The following WNT3A variants were observed in gnomAD, a reference collection of about 807,000 sequenced individuals.
The protein encoded by WNT3A is Wnt family member 3A.
Under a neutral mutation model 37.0 loss-of-function variants are expected in WNT3A, and 17 were observed. That is an observed-to-expected ratio of 0.46 (90% confidence interval 0.31 to 0.69). WNT3A has a LOEUF of 0.69. WNT3A is among the 30% of genes least tolerant of loss of function. The pLI, the probability that WNT3A is intolerant of heterozygous loss-of-function variation, is 0.05. For synonymous variants in WNT3A, 187 were observed against 211.0 expected, an observed-to-expected ratio of 0.89 and a Z score of 0.99; for missense variants, 411 against 510.2, an observed-to-expected ratio of 0.81 and a Z score of 1.87.
At chr1:228,030,717 C>T (rs937968861) in intron 2 of WNT3A, among the ~76,000 whole-genome samples, 1 of 152,232 alleles carries the variant, frequency 6.6e-6, no homozygotes. Context: ...GATGCCCCCT[C>T]CCTCCCACCT....
At chr1:228,023,904 C>T (rs946009978) in intron 2 of WNT3A, among the ~76,000 whole-genome samples, 7 of 152,248 alleles carry the variant, frequency 4.6e-5, no homozygotes, top group African/African-American at 1.4e-4. Flanking sequence ...GTTTAAGAAA[C>T]GGCATCACTC....
At chr1:228,019,101 G>T (rs1041896992) in intron 1 of WNT3A, among the ~76,000 whole-genome samples, 9 of 152,232 alleles carry the variant, frequency 5.9e-5, no homozygotes, top group Non-Finnish European at 1.2e-4. Context: ...GTGGGCCAGG[G>T]CCCACCCGGG....
rs79552647 is a variant in WNT3A at position 228,041,864 on chromosome 1, C to T, written c.314-8792C>T. Among the ~76,000 whole-genome samples the T allele has an allele frequency of 8.3e-3, 1,269 of 152,338 alleles. 19 individuals carry two copies. Among genetic ancestry groups the T allele is most frequent in the African/African-American group, 0.029 (1,190 of 41,578 alleles). ...CTTACCAAGGCAAGGACTCTCTTCT[C>T]CTGAAAGTGGGTCATCCAACCTCTG... On this transcript the variant is annotated intron_variant, in intron 2 of 3. Transcript: ENST00000284523.
intron 3 of WNT3A, among the ~76,000 whole-genome samples, chr1:228,054,963 C>T (rs987133775): frequency 9.3e-5 from 14 of 150,528 alleles, no homozygotes; most frequent in African/African-American, 2.2e-4. Context: ...GGAGAATTCC[C>T]GTCTCTACTA....
At chr1:228,049,213 G>A (rs1309192038) in intron 2 of WNT3A, among the ~76,000 whole-genome samples, 1 of 152,180 alleles carries the variant, frequency 6.6e-6, no homozygotes, top group Non-Finnish European at 1.5e-5. Context: ...TGGGGTGGAG[G>A]AAGGCAATGG....
In WNT3A at chr1:228,060,253, A is replaced by G. The variant is rs746612179; in HGVS notation, c.*788A>G. ...CAGCCCACCAGCCACCTCATCCCCAACCCCCTGTAAGGTTCCATCCACCCC... is the reference window on the plus strand; with the variant it reads ...CAGCCCACCAGCCACCTCATCCCCAGCCCCCTGTAAGGTTCCATCCACCCC... On this transcript the variant is annotated 3_prime_UTR_variant, in exon 4 of 4. Coordinates refer to ENST00000284523, the MANE Select transcript of WNT3A (RefSeq NM_033131.4). 4.4e-6 allele frequency: 6 copies of G among 1,351,058 alleles called. No individual in the cohort carries two copies. Among genetic ancestry groups the G allele is most frequent in the South Asian group, 2.3e-5 (2 of 88,022 alleles). 83.7% of individuals were successfully genotyped at this position (1,351,058 alleles called of 1,614,324 possible). A position where few individuals can be genotyped will look rare whatever the true frequency, so the allele number is the denominator to read the frequency against.
chr1:228,049,214 A>G (rs2031491114), intron 2 of WNT3A, among the ~76,000 whole-genome samples: 1 of 152,094 alleles, frequency 6.6e-6, no homozygotes, highest in Non-Finnish European at 1.5e-5. Flanking sequence ...GGGGTGGAGG[A>G]AGGCAATGGC....
At chr1:228,024,988 A>G (rs1285280436) in intron 2 of WNT3A, among the ~76,000 whole-genome samples, 4 of 152,066 alleles carry the variant, frequency 2.6e-5, no homozygotes, top group East Asian at 3.9e-4. Flanking sequence ...ATTCCAGTCT[A>G]TTGGTCTGTA....
intron 1 of WNT3A, among the ~76,000 whole-genome samples, chr1:228,011,740 C>T (rs921140819): frequency 3.3e-5 from 5 of 152,232 alleles, no homozygotes; most frequent in East Asian, 1.9e-4. Context: ...ACTCGTGAAA[C>T]GAGCTGAGTG....
At chr1:228,033,285 T>G (rs573596268) in intron 2 of WNT3A, among the ~76,000 whole-genome samples, 1 of 152,182 alleles carries the variant, frequency 6.6e-6, no homozygotes, top group East Asian at 1.9e-4. Context: ...CTTCATTAGG[T>G]TTTTTTTAAA....
At chr1:228,019,765 C>T (rs1186585129) in intron 1 of WNT3A, among the ~76,000 whole-genome samples, 1 of 152,266 alleles carries the variant, frequency 6.6e-6, no homozygotes, top group Non-Finnish European at 1.5e-5. Context: ...TTACGTCAGT[C>T]TGCTCTGTCC....
chr1:228,037,073 G>C lies in WNT3A; in HGVS notation c.314-13583G>C, dbSNP rs541671047. Reference sequence around the variant, plus strand: ...CGGGGGGAGTGGAGTGGCATGGGGAGGTATGCAATCTCTTGTGCTTCCCAA... The same window carrying C: ...CGGGGGGAGTGGAGTGGCATGGGGACGTATGCAATCTCTTGTGCTTCCCAA... On this transcript the variant is annotated intron_variant, in intron 2 of 3. Coordinates refer to ENST00000284523, the MANE Select transcript of WNT3A (RefSeq NM_033131.4). The surrounding 1 kb of genome is among the most constrained non-coding windows in gnomAD (Gnocchi z 4.1). Among the ~76,000 whole-genome samples, 28 of 152,216 alleles carry C rather than the reference G, an allele frequency of 1.8e-4. No homozygotes were observed. Among genetic ancestry groups the C allele is most frequent in the African/African-American group, 6.3e-4 (26 of 41,528 alleles).
intron 2 of WNT3A, among the ~76,000 whole-genome samples, chr1:228,023,338 CAGAG>C (rs1354987624): frequency 3.3e-5 from 5 of 150,196 alleles, no homozygotes; most frequent in East Asian, 2.1e-4. Context: ...GACAGAGACA[CAGAG>C]AGAGACAGAG....
intron 2 of WNT3A, among the ~76,000 whole-genome samples, chr1:228,029,696 C>T (rs1346672132): frequency 6.6e-6 from 1 of 152,124 alleles, no homozygotes; most frequent in Non-Finnish European, 1.5e-5. Flanking sequence ...TGCCACCTTA[C>T]CCTCCTCCCT....
chr1:228,009,219 GC>G (rs2030300682), intron 1 of WNT3A, among the ~76,000 whole-genome samples: 1 of 152,068 alleles, frequency 6.6e-6, no homozygotes, highest in South Asian at 2.1e-4. Context: ...GGACAAGTCT[GC>G]CCCCTTCTTG....
Position 228,007,116 on chromosome 1 carries a change from C to G in WNT3A, c.-13C>G. Reference sequence around the variant, plus strand: ...GGGCGGACTCCCGGCCCTCCGCGCCCTCTCGCGCGGCGATGGCCCCACTCG... The same window carrying G: ...GGGCGGACTCCCGGCCCTCCGCGCCGTCTCGCGCGGCGATGGCCCCACTCG... On this transcript the variant is annotated 5_prime_UTR_variant, in exon 1 of 4. Transcript: ENST00000284523. The surrounding 1 kb of genome is among the most constrained non-coding windows in gnomAD (Gnocchi z 6.0). 2 of 1,567,450 alleles carry G rather than the reference C, an allele frequency of 1.3e-6. No individual in the cohort carries two copies. The highest frequency in any genetic ancestry group is 1.7e-6 in the Non-Finnish European group (2 of 1,159,036).
In WNT3A at chr1:228,014,085, T is replaced by C. The variant is rs564877368; in HGVS notation, c.71+6886T>C. 1.3e-4 allele frequency among the ~76,000 whole-genome samples: 20 copies of C among 152,164 alleles called. No homozygotes were observed. In the South Asian group the frequency reaches 2.5e-3, roughly 19 times the overall value. The stretch of plus-strand genomic sequence containing the variant: ...GGGCACAAATTGCATCCTGGAGGGG[T>C]GGCCCTGGCAGGTCCGCGAGTGGGG... On this transcript the variant is annotated intron_variant, in intron 1 of 3. Transcript: ENST00000284523.
At chr1:228,043,077 G>A (rs2031327136) in intron 2 of WNT3A, among the ~76,000 whole-genome samples, 1 of 152,156 alleles carries the variant, frequency 6.6e-6, no homozygotes, top group African/African-American at 2.4e-5. Context: ...GGATAGATGT[G>A]GATGACGGAT....
In WNT3A at chr1:228,037,521, C is replaced by G. The variant is rs545535352; in HGVS notation, c.314-13135C>G. Among the ~76,000 whole-genome samples, 1 of 152,116 alleles carries G rather than the reference C, an allele frequency of 6.6e-6. No individual in the cohort carries two copies. Among genetic ancestry groups the G allele is most frequent in the Non-Finnish European group, 1.5e-5 (1 of 67,968 alleles). ...TGGTCCGCCACCTCCCTGTGTGTCC[C>G]CTGCCTATGAGGGCCGGCACAGGGG... On this transcript the variant is annotated intron_variant, in intron 2 of 3. Coordinates refer to ENST00000284523, the MANE Select transcript of WNT3A (RefSeq NM_033131.4). The surrounding 1 kb of genome is among the most constrained non-coding windows in gnomAD (Gnocchi z 4.1).
Sources: gnomAD v4.1 joint callset for allele counts (sites outside exome capture counted in the v4.1 genomes callset) on GRCh38, gnomAD v4.1.1 for gene constraint, Gnocchi (gnomAD v3.1) non-coding constraint, MANE v1.5 for transcripts, NCBI Gene and HGNC (gene_info 2026-07-23, HGNC 2026-07-21) for gene names.